The following DCC variants were observed in gnomAD, a reference collection of about 807,000 sequenced individuals.
DCC encodes the protein netrin receptor DCC.
In DCC, 58 loss-of-function variants were observed where a neutral mutation model predicts 172.5. The observed-to-expected ratio is 0.34, with a 90% CI of 0.27 to 0.42. The LOEUF (loss-of-function observed/expected upper bound fraction) is 0.42, where lower values mean the gene tolerates loss of function less well. DCC is among the 10% of genes least tolerant of loss of function. DCC has a pLI of 1.00. For synonymous variants in DCC, 709 were observed against 644.5 expected (o/e 1.10, Z -1.52); for missense variants, 1,740 against 1,791.0 (o/e 0.97, Z 0.51).
At chr18:53,180,730 C>T (rs1029534590) in intron 9 of DCC, among the ~76,000 whole-genome samples, 9 of 152,120 alleles carry the variant, frequency 5.9e-5, no homozygotes, top group African/African-American at 1.7e-4. Context: ...GTGGCACAAT[C>T]GCGGCTCATT....
In DCC at chr18:52,340,796, T is replaced by C; in HGVS notation, c.9T>C (p.Asn3=). The change falls in exon 1 of 29, where the codon AAT becomes AAC. Residue 3 remains asparagine (N), a synonymous_variant. Coordinates refer to ENST00000442544, the MANE Select transcript of DCC (RefSeq NM_005215.4). ...AAGGTGTTGGCTGAAATATGGAGAA[T>C]AGTCTTAGATGTGTTTGGGTACCCA... ME[N]SLRCVWVPKL... is the part of the protein sequence containing the mutation. The C allele has an allele frequency of 6.2e-7, 1 of 1,613,664 alleles. No homozygotes were observed. The highest frequency in any genetic ancestry group is 8.5e-7 in the Non-Finnish European group (1 of 1,179,702).
chr18:53,138,869 G>A (rs1231781375), intron 7 of DCC, among the ~76,000 whole-genome samples: 1 of 152,092 alleles, frequency 6.6e-6, no homozygotes, highest in Non-Finnish European at 1.5e-5. Context: ...TTTTTCTCAT[G>A]ACAATTATAC....
At chr18:52,423,736 G>A (rs1174132496) in intron 1 of DCC, among the ~76,000 whole-genome samples, 1 of 152,064 alleles carries the variant, frequency 6.6e-6, no homozygotes, top group African/African-American at 2.4e-5. Context: ...GCTTCTTTTG[G>A]AAGGAAAAGA....
intron 1 of DCC, among the ~76,000 whole-genome samples, chr18:52,719,045 C>T (rs922969727): frequency 6.6e-6 from 1 of 152,046 alleles, no homozygotes; most frequent in Non-Finnish European, 1.5e-5. Context: ...TCCTGATGGC[C>T]CCAGCCACCC....
At chr18:52,900,206 A>G (rs2039790613) in intron 2 of DCC, among the ~76,000 whole-genome samples, 1 of 152,220 alleles carries the variant, frequency 6.6e-6, no homozygotes, top group African/African-American at 2.4e-5. Flanking sequence ...GAAGAGCTGC[A>G]AATAGGGTAA....
At chr18:52,490,578 G>T (rs73957903) in intron 1 of DCC, among the ~76,000 whole-genome samples, 1 of 152,020 alleles carries the variant, frequency 6.6e-6, no homozygotes, top group Non-Finnish European at 1.5e-5. Flanking sequence ...CGTGAAGGGC[G>T]CTTTCTGTTT....
At chr18:52,798,963 G>C (rs189259804) in intron 2 of DCC, among the ~76,000 whole-genome samples, 1 of 151,964 alleles carries the variant, frequency 6.6e-6, no homozygotes, top group African/African-American at 2.4e-5. Flanking sequence ...TGGCCAGGCT[G>C]GTCTCGAACT....
intron 1 of DCC, among the ~76,000 whole-genome samples, chr18:52,418,865 T>C (rs1018176290): frequency 1.3e-4 from 18 of 141,638 alleles, no homozygotes; most frequent in Non-Finnish European, 2.5e-4. Flanking sequence ...TTTCTTTTTT[T>C]TTTTTTTTTT....
At chr18:53,517,443 T>TA (rs74180426) in intron 27 of DCC, among the ~76,000 whole-genome samples, 5 of 142,506 alleles carry the variant, frequency 3.5e-5, no homozygotes, top group African/African-American at 1.3e-4. Flanking sequence ...AAACTTAAAA[T>TA]ATAATAATAA....
chr18:52,784,853 T>C (rs1211209780), intron 2 of DCC, among the ~76,000 whole-genome samples: 2 of 143,526 alleles, frequency 1.4e-5, no homozygotes, highest in Non-Finnish European at 3.0e-5. Flanking sequence ...GGTTAAGAAG[T>C]AGAAAATTTA....
At chr18:53,177,821 C>T (rs1459554017) in intron 8 of DCC, among the ~76,000 whole-genome samples, 2 of 152,106 alleles carry the variant, frequency 1.3e-5, no homozygotes, top group African/African-American at 2.4e-5. Flanking sequence ...GCAGAAATTT[C>T]GGGTTTGAGG....
intron 21 of DCC, among the ~76,000 whole-genome samples, chr18:53,426,558 A>C (rs1159060871): frequency 1.3e-5 from 2 of 150,670 alleles, no homozygotes; most frequent in East Asian, 3.9e-4. Context: ...AAGAATTCTC[A>C]CCTCACATGC....
chr18:53,397,364 G>C lies in DCC; in HGVS notation c.2745G>C (p.Met915Ile), dbSNP rs777518339. ...CAACAGGCCTCAAACCAAACACAAT[G>C]TATGAATTCTCGGTCATGGTAACAA... The part of the protein sequence containing the change: ...YTATGLKPNT[M>I]YEFSVMVTKN... Residue 915 changes from methionine (M) to isoleucine (I), a missense_variant, in exon 18 of 29, where the codon ATG (methionine) becomes ATC (isoleucine). Around this residue, in one of 2 missense-constraint regions of DCC, gnomAD observed 1,732 missense variants for 1,767.4 expected, o/e 0.98. Coordinates refer to ENST00000442544, the MANE Select transcript of DCC (RefSeq NM_005215.4). 5 of 1,613,834 alleles carry C rather than the reference G, an allele frequency of 3.1e-6. No individual in the cohort carries two copies. The highest frequency in any genetic ancestry group is 4.2e-6 in the Non-Finnish European group (5 of 1,179,862).
chr18:53,098,298 T>C (rs975312115), intron 7 of DCC, among the ~76,000 whole-genome samples: 2 of 152,148 alleles, frequency 1.3e-5, no homozygotes, highest in Non-Finnish European at 2.9e-5. Context: ...ATGTTCTCTT[T>C]TTACAGAGAC....
At chr18:53,188,634 T>C (rs2055321687) in intron 9 of DCC, among the ~76,000 whole-genome samples, 1 of 152,230 alleles carries the variant, frequency 6.6e-6, no homozygotes, top group Non-Finnish European at 1.5e-5. Flanking sequence ...ATTATTTATC[T>C]AGGGCTACCT....
intron 13 of DCC, among the ~76,000 whole-genome samples, chr18:53,313,977 C>T (rs1001427758): frequency 3.3e-5 from 5 of 152,224 alleles, no homozygotes; most frequent in African/African-American, 1.2e-4. Flanking sequence ...CTGGAAATCA[C>T]TGTGCCAATG....
At chr18:52,878,665 A>G (rs1449873926) in intron 2 of DCC, among the ~76,000 whole-genome samples, 1 of 151,998 alleles carries the variant, frequency 6.6e-6, no homozygotes, top group Non-Finnish European at 1.5e-5. Context: ...ATTTTTACTT[A>G]TTTGTTTATT....
At chr18:52,929,657 A>C (rs190956079) in intron 5 of DCC, among the ~76,000 whole-genome samples, 15 of 152,242 alleles carry the variant, frequency 9.9e-5, no homozygotes, top group Admixed American at 9.8e-4. Flanking sequence ...CTTCTTGTTT[A>C]TTCAAAGTGG....
intron 7 of DCC, among the ~76,000 whole-genome samples, chr18:53,119,689 G>C (rs753623616): frequency 4.0e-5 from 6 of 151,800 alleles, no homozygotes; most frequent in African/African-American, 1.5e-4. Flanking sequence ...AATCTGCTCT[G>C]CTGTCATTGT....
Sources: gnomAD v4.1 joint callset for allele counts (sites outside exome capture counted in the v4.1 genomes callset) on GRCh38, gnomAD v4.1.1 for gene constraint, gnomAD v4.1.1 regional missense constraint, MANE v1.5 for transcripts, NCBI Gene and HGNC (gene_info 2026-07-23, HGNC 2026-07-21) for gene names.